The following FAM124A variants were observed in gnomAD, a reference collection of about 807,000 sequenced individuals.
FAM124A encodes protein FAM124A.
In FAM124A, 23 loss-of-function variants were observed where a neutral mutation model predicts 24.5. The observed-to-expected ratio is 0.94, with a 90% CI of 0.68 to 1.33. The LOEUF (loss-of-function observed/expected upper bound fraction) is 1.33, where lower values mean the gene tolerates loss of function less well. Among genes scored for constraint, FAM124A ranks in the 40% most tolerant of loss-of-function variants. The probability of loss-of-function intolerance (pLI) is 0.00; values close to 1 mark genes in which losing one functional copy is unlikely to be tolerated. For missense variants in FAM124A, 623 were observed against 722.8 expected, an observed-to-expected ratio of 0.86 and a Z score of 1.58; for synonymous variants, 287 against 314.7, an observed-to-expected ratio of 0.91 and a Z score of 0.93.
chr13:51,280,314 A>C, intron 3 of FAM124A, 136 bp from the exon 4 acceptor site: 1 of 781,554 alleles, frequency 1.3e-6, no homozygotes, highest in Non-Finnish European at 2.0e-6. Context: ...TGCTCTAGAG[A>C]TTGCAGAACT....
Position 51,282,703 on chromosome 13 carries a change from C to CT in FAM124A, c.*1447_*1448insT, listed in dbSNP as rs1475000106. On this transcript the variant is annotated 3_prime_UTR_variant, in exon 4 of 4. Transcript: ENST00000322475. Reference sequence around the variant, plus strand: ...CACAGCCTCAGAGTCCTTTCCAACACGACCCTCCAGGCAGCAGTTACCAAC... The same window carrying CT: ...CACAGCCTCAGAGTCCTTTCCAACACTGACCCTCCAGGCAGCAGTTACCAAC... The CT allele has an allele frequency of 2.0e-5, 3 of 152,226 alleles. No individual in the cohort carries two copies. The highest frequency in any genetic ancestry group is 4.4e-5 in the Non-Finnish European group (3 of 68,076). 9.4% of individuals were successfully genotyped at this position (152,226 alleles called of 1,614,324 possible).
chr13:51,252,302 G>GGA (rs935801734), intron 3 of FAM124A, 101 bp downstream of exon 3: 2 of 1,458,692 alleles, frequency 1.4e-6, no homozygotes, highest in African/African-American at 2.8e-5. Context: ...GATCAAGGAA[G>GGA]GAGAGATCAG....
chr13:51,253,676 A>T (rs1173032156), intron 3 of FAM124A: 1 of 152,188 alleles, frequency 6.6e-6, no homozygotes, highest in Non-Finnish European at 1.5e-5. Context: ...TTTTCTCCTG[A>T]TCCTTCTAAT....
intron 2 of FAM124A, among the ~76,000 whole-genome samples, chr13:51,239,930 G>A (rs1389361477): frequency 6.6e-6 from 1 of 152,208 alleles, no homozygotes; most frequent in African/African-American, 2.4e-5. Flanking sequence ...GAGAACCACA[G>A]GGAAATCTTT....
Position 51,282,163 on chromosome 13 carries a change from A to T in FAM124A, c.*907A>T, listed in dbSNP as rs1954946436. On this transcript the variant is annotated 3_prime_UTR_variant, in exon 4 of 4. Coordinates refer to ENST00000322475, the MANE Select transcript of FAM124A (RefSeq NM_001242312.2). ...ACCACAGTCTAAGGACTATATTCAA[A>T]TGACAAGAGCCGCACTGTATACTGC... 1 of 152,258 alleles carries T rather than the reference A, an allele frequency of 6.6e-6. No homozygotes were observed. Among genetic ancestry groups the T allele is most frequent in the Admixed American group, 6.5e-5 (1 of 15,288 alleles). The allele number at this position is 152,258 out of a possible 1,614,324, so 9.4% of individuals were successfully genotyped here.
chr13:51,236,217 G>T (rs1348369603), intron 2 of FAM124A, among the ~76,000 whole-genome samples: 3 of 152,160 alleles, frequency 2.0e-5, no homozygotes, highest in African/African-American at 7.2e-5. Flanking sequence ...TTCAAATAGG[G>T]AAGTCCAGGT....
At chr13:51,223,690 ATGGGCTTTCTC>A (rs893195888) in intron 1 of FAM124A, among the ~76,000 whole-genome samples, 1 of 152,192 alleles carries the variant, frequency 6.6e-6, no homozygotes, top group African/African-American at 2.4e-5. Context: ...TCACCCAGCA[ATGGGCTTTCTC>A]TGTTATCCAA....
At position 51,277,612 on chromosome 13, in the gene FAM124A, G is replaced by A. The variant is rs561665390; in HGVS notation, c.835-2838G>A. ...GATTGAGACCATCCTGGCTAACATG[G>A]TGAAACCTTGTCTCTACTAAAAATA... On this transcript the variant is annotated intron_variant, in intron 3 of 3. Coordinates refer to ENST00000322475, the MANE Select transcript of FAM124A (RefSeq NM_001242312.2). Among the ~76,000 whole-genome samples, 7 of 152,304 alleles carry A rather than the reference G, an allele frequency of 4.6e-5. No individual in the cohort carries two copies. In the East Asian group the frequency reaches 1.3e-3, roughly 29 times the overall value.
At chr13:51,247,530 G>T (rs987586702) in intron 2 of FAM124A, among the ~76,000 whole-genome samples, 2 of 152,212 alleles carry the variant, frequency 1.3e-5, no homozygotes, top group Non-Finnish European at 2.9e-5. Flanking sequence ...ATGCACACCT[G>T]GGGGTGGGAT....
intron 2 of FAM124A, among the ~76,000 whole-genome samples, chr13:51,238,325 G>C (rs1003993034): frequency 6.6e-6 from 1 of 152,190 alleles, no homozygotes; most frequent in Non-Finnish European, 1.5e-5. Flanking sequence ...CAGGCCTCCT[G>C]AGGCCAGTAA....
At chr13:51,240,439 G>A (rs968960966) in intron 2 of FAM124A, among the ~76,000 whole-genome samples, 11 of 152,282 alleles carry the variant, frequency 7.2e-5, no homozygotes, top group African/African-American at 2.2e-4. Context: ...TTTCCTTTTC[G>A]TAACAACAGT....
chr13:51,228,513 G>A (rs1001596233), intron 1 of FAM124A, among the ~76,000 whole-genome samples: 1 of 152,052 alleles, frequency 6.6e-6, no homozygotes, highest in Admixed American at 6.5e-5. Flanking sequence ...TTCTGGCAGG[G>A]CTGAATGTCT....
chr13:51,260,078 C>T (rs1324423548), intron 3 of FAM124A, among the ~76,000 whole-genome samples: 1 of 152,090 alleles, frequency 6.6e-6, no homozygotes, highest in African/African-American at 2.4e-5. Flanking sequence ...GAGGAGGGCT[C>T]CTGGGGCCGT....
intron 2 of FAM124A, among the ~76,000 whole-genome samples, chr13:51,233,607 G>A (rs1197073743): frequency 6.6e-6 from 1 of 152,142 alleles, no homozygotes; most frequent in East Asian, 1.9e-4. Flanking sequence ...GCACCAGCAC[G>A]GTGCCTGGCC....
chr13:51,277,148 A>G (rs1259374207), intron 3 of FAM124A, among the ~76,000 whole-genome samples: 5 of 152,248 alleles, frequency 3.3e-5, no homozygotes, highest in African/African-American at 1.2e-4. Context: ...CCTTAACTAT[A>G]AAAAGGAATG....
At position 51,251,652 on chromosome 13, in the gene FAM124A, G is replaced by A. The variant is rs750436819; in HGVS notation, c.285G>A (p.Lys95=). The stretch of plus-strand genomic sequence containing the variant: ...CCCGGCGGCGGCGGAAGCCCCCCAA[G>A]GGCGCTCAGCCAGCGCTGGCTGTGG... ...RASRRRRKPP[K]GAQPALAVVL... The change falls in exon 3 of 4, where the codon AAG becomes AAA. Residue 95 remains lysine, a synonymous_variant. Coordinates refer to ENST00000322475, the MANE Select transcript of FAM124A (RefSeq NM_001242312.2). This position sits in a 1 kb window ranked among gnomAD's most constrained non-coding sequence, Gnocchi z 5.3. 2 of 1,581,132 alleles carry A rather than the reference G, an allele frequency of 1.3e-6. No homozygotes were observed. The highest frequency in any genetic ancestry group is 1.3e-5 in the African/African-American group (1 of 74,426).
chr13:51,251,424 C>T lies in FAM124A; in HGVS notation c.101-44C>T. ...TCACTGGACACTTTAATGAAATAAT[C>T]ATAATTGTATTCATTCATCCATTCG... is the stretch of plus-strand genomic sequence containing the variant. On this transcript the variant is annotated intron_variant, in intron 2 of 3. Coordinates refer to ENST00000322475, the MANE Select transcript of FAM124A (RefSeq NM_001242312.2). The surrounding 1 kb of genome is among the most constrained non-coding windows in gnomAD (Gnocchi z 5.3). 6.7e-7 allele frequency: 1 copy of T among 1,484,956 alleles called. No individual in the cohort carries two copies. Among genetic ancestry groups the T allele is most frequent in the Non-Finnish European group, 9.0e-7 (1 of 1,117,126 alleles). The allele number at this position is 1,484,956 out of a possible 1,614,324, so 92.0% of individuals were successfully genotyped here.
rs1389316882 is a variant in FAM124A, at chr13:51,251,017, G to A, written c.101-451G>A. Among the ~76,000 whole-genome samples the A allele has an allele frequency of 1.3e-5, 2 of 152,180 alleles. No individual in the cohort carries two copies. Among genetic ancestry groups the A allele is most frequent in the South Asian group, 2.1e-4 (1 of 4,836 alleles). On this transcript the variant is annotated intron_variant, in intron 2 of 3. Coordinates refer to ENST00000322475, the MANE Select transcript of FAM124A (RefSeq NM_001242312.2). This position sits in a 1 kb window ranked among gnomAD's most constrained non-coding sequence, Gnocchi z 5.3. ...TGAAATAAGCAAACCAGAGGAGTGC[G>A]TTTGTGTAGGGAACATGTATGGGGC... is the stretch of plus-strand genomic sequence containing the variant.
chr13:51,267,204 A>T (rs1458840752), intron 3 of FAM124A, among the ~76,000 whole-genome samples: 3 of 152,234 alleles, frequency 2.0e-5, no homozygotes, highest in Non-Finnish European at 4.4e-5. Context: ...ACATGCTAAG[A>T]TTCACTAGTA....
Sources: allele counts gnomAD v4.1 joint callset (sites outside exome capture counted in the v4.1 genomes callset), GRCh38; gene constraint gnomAD v4.1.1; non-coding constraint Gnocchi (gnomAD v3.1); transcripts MANE v1.5; gene names NCBI Gene and HGNC (gene_info 2026-07-23, HGNC 2026-07-21).